GALNT9: variants seen among roughly 807,000 people sequenced by gnomAD.
GALNT9 encodes the protein polypeptide N-acetylgalactosaminyltransferase 9.
GALNT9 carries 47 observed loss-of-function variants against 63.1 expected under a neutral mutation model. The observed-to-expected ratio is 0.75, with a 90% confidence interval of 0.59 to 0.95. GALNT9 has a LOEUF of 0.95. Ranked by LOEUF, GALNT9 falls within the 40% of genes least tolerant of loss-of-function variation. GALNT9 has a pLI of 0.00. For missense variants in GALNT9, 829 were observed against 874.8 expected (o/e 0.95, Z 0.66); for synonymous variants, 396 against 365.7 (o/e 1.08, Z -0.94).
chr12:132,324,406 C>G lies in GALNT9; in HGVS notation c.238+4560G>C, dbSNP rs565479530. Among the ~76,000 whole-genome samples, 33 of 152,268 alleles carry G rather than the reference C, an allele frequency of 2.2e-4. No homozygotes were observed. In the East Asian group the frequency reaches 6.2e-3, roughly 29 times the overall value. ...TCCTACCTGGCCCTCACTCATCACG[C>G]GGGACTGACGGGGCACGTGCTTTGT... On this transcript the variant is annotated intron_variant, in intron 1 of 10. Transcript: ENST00000328957.
At chr12:132,198,567 G>A (rs181113605) in intron 9 of GALNT9, among the ~76,000 whole-genome samples, 12 of 152,226 alleles carry the variant, frequency 7.9e-5, no homozygotes, top group African/African-American at 2.4e-4. Context: ...CTTCAATCAC[G>A]CGACAGTCCT....
intron 7 of GALNT9, among the ~76,000 whole-genome samples, chr12:132,202,791 C>T (rs1008861204): frequency 1.3e-5 from 2 of 152,192 alleles, no homozygotes; most frequent in African/African-American, 4.8e-5. Flanking sequence ...CGCGGCCACC[C>T]GTCTCAGTAC....
At chr12:132,263,401 C>T (rs976387910) in intron 2 of GALNT9, among the ~76,000 whole-genome samples, 1 of 152,026 alleles carries the variant, frequency 6.6e-6, no homozygotes, top group African/African-American at 2.4e-5. Context: ...AACAGAAAGT[C>T]CTGAGAAAGG....
chr12:132,237,198 G>A (rs1202881130), intron 6 of GALNT9, among the ~76,000 whole-genome samples: 3 of 152,056 alleles, frequency 2.0e-5, no homozygotes, highest in Non-Finnish European at 4.4e-5. Flanking sequence ...CTGCCTTCAC[G>A]TGGAGCTCCT....
At chr12:132,306,818 A>C (rs1243567642) in intron 1 of GALNT9, among the ~76,000 whole-genome samples, 1 of 152,142 alleles carries the variant, frequency 6.6e-6, no homozygotes, top group African/African-American at 2.4e-5. Flanking sequence ...ACTTCCGCGC[A>C]CACCCGCCGC....
intron 2 of GALNT9, among the ~76,000 whole-genome samples, chr12:132,269,707 G>A (rs1879795868): frequency 6.6e-6 from 1 of 152,220 alleles, no homozygotes; most frequent in South Asian, 2.1e-4. Flanking sequence ...ACGCCGCTGG[G>A]AACGCGTACC....
intron 1 of GALNT9, among the ~76,000 whole-genome samples, chr12:132,301,630 A>G (rs28744578): frequency 0.46 from 69,333 of 152,184 alleles, 16,289 homozygotes; most frequent in East Asian, 0.73. Context: ...GGAACATGCC[A>G]TGTGGACACA....
chr12:132,306,406 C>T (rs953187822), intron 1 of GALNT9, among the ~76,000 whole-genome samples: 36 of 152,192 alleles, frequency 2.4e-4, no homozygotes, highest in African/African-American at 3.6e-4. Flanking sequence ...CACTCAGGGG[C>T]GCCCCGGAGC....
intron 5 of GALNT9, among the ~76,000 whole-genome samples, chr12:132,253,316 G>A (rs1372853715): frequency 6.6e-6 from 1 of 151,804 alleles, no homozygotes; most frequent in African/African-American, 2.4e-5. Context: ...GGAGCAGAGT[G>A]TTCCCTGACT....
intron 6 of GALNT9, among the ~76,000 whole-genome samples, chr12:132,218,802 A>G (rs6598209): frequency 0.86 from 131,236 of 152,252 alleles, 56,829 homozygotes; most frequent in East Asian, 1. Context: ...TGGCCACAGC[A>G]TTCCCACCCC....
intron 1 of GALNT9, among the ~76,000 whole-genome samples, chr12:132,299,664 A>C (rs1183475186): frequency 0.016 from 1,558 of 94,918 alleles, 70 homozygotes; most frequent in African/African-American, 0.061. Flanking sequence ...CATAACTAAC[A>C]CACTCCCACC....
rs759699110 is a variant in GALNT9, at chr12:132,203,733, AAGC to A, written c.1078-46_1078-44del. The stretch of plus-strand genomic sequence containing the variant: ...TGGGTGCCGGCGTCCTTCCCAACGG[AAGC>A]GGGCAGCCCGGCCAGCTAGGGGCCC... On this transcript the variant is annotated intron_variant, in intron 6 of 10. Transcript: ENST00000328957. The A allele has an allele frequency of 4.8e-3, 7,723 of 1,594,112 alleles. 270 individuals are homozygous for A. The East Asian group carries it at 0.072, about 15-fold the overall frequency.
At chr12:132,263,509 G>A (rs79653225) in intron 2 of GALNT9, among the ~76,000 whole-genome samples, 3,377 of 152,196 alleles carry the variant, frequency 0.022, 127 homozygotes, top group African/African-American at 0.076. Context: ...GAGCCCAGGG[G>A]GAGGGGGGCA....
chr12:132,273,136 T>G (rs1879930721), intron 2 of GALNT9: 1 of 152,292 alleles, frequency 6.6e-6, no homozygotes, highest in South Asian at 2.1e-4. Flanking sequence ...TTCTTCTTTA[T>G]TTTTGAGACA....
intron 6 of GALNT9, among the ~76,000 whole-genome samples, chr12:132,204,072 G>A (rs570458963): frequency 3.8e-5 from 5 of 132,478 alleles, no homozygotes; most frequent in South Asian, 2.6e-4. Flanking sequence ...CCCAGCACCC[G>A]AACACACCAA....
intron 1 of GALNT9, among the ~76,000 whole-genome samples, chr12:132,305,078 T>G (rs372986346): frequency 2.1e-3 from 50 of 23,900 alleles, no homozygotes; most frequent in East Asian, 8.9e-3. Context: ...CACCCTCACC[T>G]GGGCACACCC....
At chr12:132,228,302 G>A (rs1023698147) in intron 6 of GALNT9, among the ~76,000 whole-genome samples, 4 of 151,458 alleles carry the variant, frequency 2.6e-5, no homozygotes, top group African/African-American at 9.7e-5. Flanking sequence ...CTCTGACCCC[G>A]GCACTCCCTT....
intron 2 of GALNT9, among the ~76,000 whole-genome samples, chr12:132,281,973 C>T (rs1593102406): frequency 7.2e-6 from 1 of 138,802 alleles, no homozygotes; most frequent in East Asian, 2.2e-4. Context: ...GGTCCCACAT[C>T]CCACAGAGGA....
chr12:132,309,327 G>A (rs1290055182), intron 1 of GALNT9, among the ~76,000 whole-genome samples: 6 of 152,198 alleles, frequency 3.9e-5, no homozygotes, highest in Admixed American at 6.5e-5. Flanking sequence ...CTAGCTGCCC[G>A]TGGACCTCAC....
Sources: allele counts gnomAD v4.1 joint callset (sites outside exome capture counted in the v4.1 genomes callset), GRCh38; gene constraint gnomAD v4.1.1; transcripts MANE v1.5; gene names NCBI Gene and HGNC (gene_info 2026-07-23, HGNC 2026-07-21).